Variants in SIK2 observed in about 807,000 individuals in gnomAD.
SIK2 encodes the protein serine/threonine-protein kinase SIK2.
SIK2 carries 29 observed loss-of-function variants against 103.2 expected under a neutral mutation model. That is an observed-to-expected ratio of 0.28 (90% CI 0.21 to 0.38). SIK2 has a LOEUF of 0.38. Among genes scored for constraint, SIK2 ranks in the 10% least tolerant of loss-of-function variants. The pLI, the probability that SIK2 is intolerant of heterozygous loss-of-function variation, is 1.00. For missense variants in SIK2, 879 were observed against 1,171.0 expected (o/e 0.75, Z 3.64); for synonymous variants, 412 against 446.1 (o/e 0.92, Z 0.96).
intron 3 of SIK2, among the ~76,000 whole-genome samples, chr11:111,640,371 C>T (rs1942164737): frequency 6.6e-6 from 1 of 152,188 alleles, no homozygotes; most frequent in African/African-American, 2.4e-5. Context: ...CTCTTTTGCC[C>T]TGCCTATGCA....
rs1028335100 is a variant in SIK2, at chr11:111,627,095, A to G, written c.316+6693A>G. Among the ~76,000 whole-genome samples, 4 of 152,200 alleles carry G rather than the reference A, an allele frequency of 2.6e-5. No individual in the cohort carries two copies. In the South Asian group the frequency reaches 6.2e-4, roughly 24 times the overall value. ...AAATGGGCAAAAAATTGTTGCCTAT[A>G]TATGAAATATATAGGGAAGAAAAAG... On this transcript the variant is annotated intron_variant, in intron 3 of 14. Coordinates refer to ENST00000304987, the MANE Select transcript of SIK2 (RefSeq NM_015191.3).
chr11:111,727,694 C>G lies in SIK2; in HGVS notation c.*3565C>G, dbSNP rs1292003213. 6.5e-6 allele frequency: 1 copy of G among 152,908 alleles called. No homozygotes were observed. Among genetic ancestry groups the G allele is most frequent in the East Asian group, 1.9e-4 (1 of 5,180 alleles). 9.5% of individuals were successfully genotyped at this position (152,908 alleles called of 1,614,324 possible). ...AGGGAAACGCTCACAGAATTCTGCC[C>G]ACGGGTTAGATGTGGGGAGAAGGAT... is the stretch of plus-strand genomic sequence containing the variant. On this transcript the variant is annotated 3_prime_UTR_variant, in exon 15 of 15. Transcript: ENST00000304987.
chr11:111,720,645 C>T lies in SIK2; in HGVS notation c.1663C>T (p.Leu555=), dbSNP rs2135971053. 6.2e-7 allele frequency: 1 copy of T among 1,614,074 alleles called. No homozygotes were observed. The highest frequency in any genetic ancestry group is 1.7e-5 in the Admixed American group (1 of 60,014). Residue 555 remains leucine, a synonymous_variant, in exon 11 of 15, where the codon CTG becomes TTG. Coordinates refer to ENST00000304987, the MANE Select transcript of SIK2 (RefSeq NM_015191.3). ...SPRMTSPFIS[L]RPTNPAMQAL... ...CCGCATGACATCTCCCTTCATAAGC[C>T]TGAGACCTACCAACCCAGCCATGCA...
At chr11:111,660,980 C>T (rs1312127257) in intron 3 of SIK2, among the ~76,000 whole-genome samples, 1 of 151,422 alleles carries the variant, frequency 6.6e-6, no homozygotes, top group Non-Finnish European at 1.5e-5. Context: ...GATTAAGGCA[C>T]ACACCACCGT....
chr11:111,712,084 G>A, intron 8 of SIK2, 127 bp from the exon 9 acceptor site: 1 of 996,292 alleles, frequency 1.0e-6, no homozygotes, highest in Non-Finnish European at 1.5e-6. Context: ...AATCTTTCTG[G>A]AGTTTCCAAT....
intron 3 of SIK2, among the ~76,000 whole-genome samples, chr11:111,664,120 C>T (rs1191430313): frequency 6.6e-6 from 1 of 152,214 alleles, no homozygotes; most frequent in African/African-American, 2.4e-5. Context: ...GAAATGAAAT[C>T]AAAATTTCTC....
intron 1 of SIK2, among the ~76,000 whole-genome samples, chr11:111,612,031 T>A (rs1941734348): frequency 6.6e-6 from 1 of 152,168 alleles, no homozygotes; most frequent in Non-Finnish European, 1.5e-5. Flanking sequence ...ACCTATTAAA[T>A]TGTTGAGGGT....
intron 3 of SIK2, among the ~76,000 whole-genome samples, chr11:111,635,577 C>A (rs925484922): frequency 6.6e-6 from 1 of 151,802 alleles, no homozygotes; most frequent in African/African-American, 2.4e-5. Context: ...GTCTGTAAAT[C>A]GAAGGAAATA....
intron 3 of SIK2, among the ~76,000 whole-genome samples, chr11:111,679,854 G>A (rs1270608395): frequency 6.6e-6 from 1 of 152,090 alleles, no homozygotes; most frequent in Non-Finnish European, 1.5e-5. Flanking sequence ...GCTGGGCACG[G>A]TGGCTCACGC....
rs372792765 is a variant in SIK2 at position 111,716,252 on chromosome 11, T to C, written c.1267-3523T>C. On this transcript the variant is annotated intron_variant, in intron 9 of 14. Transcript: ENST00000304987. ...TGTCTACTTACATTTTTAATAACTT[T>C]TTTTATGACAAAGGTAGTACACACA... Among the ~76,000 whole-genome samples the C allele has an allele frequency of 3.9e-5, 6 of 152,226 alleles. No homozygotes were observed. In the East Asian group the frequency reaches 5.8e-4, roughly 15 times the overall value.
At chr11:111,694,185 A>C (rs1213748062) in intron 4 of SIK2, among the ~76,000 whole-genome samples, 1 of 152,200 alleles carries the variant, frequency 6.6e-6, no homozygotes, top group African/African-American at 2.4e-5. Context: ...TTCCCTGTGA[A>C]AACAAAGCCT....
In SIK2 at chr11:111,611,223, C is replaced by G. The variant is rs547013646; in HGVS notation, c.136-5020C>G. On this transcript the variant is annotated intron_variant, in intron 1 of 14. Transcript: ENST00000304987. The stretch of plus-strand genomic sequence containing the variant: ...GAGATCGCGCCAGTGCACTCCAGCC[C>G]AGGCAACAGAGTGAGACCCTGTCTC... 2.8e-5 allele frequency among the ~76,000 whole-genome samples: 4 copies of G among 144,528 alleles called. No homozygotes were observed. In the South Asian group the frequency reaches 9.4e-4, roughly 34 times the overall value. 94.8% of individuals were successfully genotyped at this position (144,528 alleles called of 152,430 possible).
At chr11:111,704,487 T>G (rs1943293595) in intron 7 of SIK2, among the ~76,000 whole-genome samples, 1 of 152,234 alleles carries the variant, frequency 6.6e-6, no homozygotes, top group Non-Finnish European at 1.5e-5. Flanking sequence ...ATAGTGTCTC[T>G]CAATTTAGCA....
chr11:111,705,160 A>C lies in SIK2; in HGVS notation c.1101+21A>C, dbSNP rs765407622. 6.5e-7 allele frequency: 1 copy of C among 1,540,396 alleles called. No individual in the cohort carries two copies. The highest frequency in any genetic ancestry group is 8.7e-7 in the Non-Finnish European group (1 of 1,154,938). The stretch of plus-strand genomic sequence containing the variant: ...CCAAGGTAATGCCCCCTTAGCTGAG[A>C]GTCTTATCTGTGCATGTGCCTGTTC... On this transcript the variant is annotated intron_variant, in intron 8 of 14. Coordinates refer to ENST00000304987, the MANE Select transcript of SIK2 (RefSeq NM_015191.3). This position sits in a 1 kb window ranked among gnomAD's most constrained non-coding sequence, Gnocchi z 4.3.
intron 4 of SIK2, 85 bp from the exon 5 acceptor site, chr11:111,700,801 A>G (rs564058490): frequency 6.6e-7 from 1 of 1,514,180 alleles, no homozygotes; most frequent in Non-Finnish European, 9.0e-7. Flanking sequence ...TATTGTTAAT[A>G]TAGCATATTA....
chr11:111,652,268 A>G (rs1942336681), intron 3 of SIK2, among the ~76,000 whole-genome samples: 2 of 152,232 alleles, frequency 1.3e-5, no homozygotes, highest in Non-Finnish European at 2.9e-5. Flanking sequence ...GAAATTGGCA[A>G]TGAAAAAGTT....
intron 9 of SIK2, among the ~76,000 whole-genome samples, chr11:111,715,891 C>T (rs1348667858): frequency 1.3e-5 from 2 of 150,682 alleles, no homozygotes; most frequent in African/African-American, 4.9e-5. Flanking sequence ...AACCTCCGCC[C>T]CCCGGGTTCA....
chr11:111,719,357 T>C (rs376333839), intron 9 of SIK2, among the ~76,000 whole-genome samples: 663 of 2,298 alleles, frequency 0.29, 9 homozygotes, highest in African/African-American at 0.31. Flanking sequence ...TGACTACCCC[T>C]TTTTTTTTTT....
chr11:111,721,229 G>C (rs1329525799), intron 12 of SIK2, among the ~76,000 whole-genome samples, 167 bp downstream of exon 12: 1 of 152,140 alleles, frequency 6.6e-6, no homozygotes, highest in Admixed American at 6.5e-5. Flanking sequence ...GCCACTGACG[G>C]GTTCAACCCA....
Sources: allele counts gnomAD v4.1 joint callset (sites outside exome capture counted in the v4.1 genomes callset), GRCh38; gene constraint gnomAD v4.1.1; non-coding constraint Gnocchi (gnomAD v3.1); transcripts MANE v1.5; gene names NCBI Gene and HGNC (gene_info 2026-07-23, HGNC 2026-07-21).